LRMDA: variants seen among roughly 807,000 people sequenced by gnomAD.
LRMDA encodes leucine rich melanocyte differentiation associated, also known as leucine-rich melanocyte differentiation-associated protein.
In LRMDA, 18 loss-of-function variants were observed where a neutral mutation model predicts 29.8. The observed-to-expected ratio is 0.60, with a 90% CI of 0.42 to 0.90. The LOEUF (loss-of-function observed/expected upper bound fraction) is 0.90. Among genes scored for constraint, LRMDA ranks in the 40% least tolerant of loss-of-function variants. The probability of loss-of-function intolerance (pLI) is 0.00; values close to 1 mark genes in which losing one functional copy is unlikely to be tolerated. For synonymous variants in LRMDA, 125 were observed against 109.4 expected (o/e 1.14, Z -0.89); for missense variants, 273 against 273.9 (o/e 1.00, Z 0.02).
chr10:76,137,647 A>G (rs188106291), intron 5 of LRMDA, among the ~76,000 whole-genome samples: 88 of 152,214 alleles, frequency 5.8e-4, no homozygotes, highest in African/African-American at 2.0e-3. Context: ...TGTGAAATGG[A>G]GTTTATGCTA....
intron 2 of LRMDA, among the ~76,000 whole-genome samples, chr10:75,440,237 A>C (rs1481420433): frequency 6.8e-6 from 1 of 146,530 alleles, no homozygotes; most frequent in African/African-American, 2.6e-5. Flanking sequence ...TAGATGCAGG[A>C]AAATTTCGTA....
At chr10:75,444,018 C>A (rs1844360880) in intron 2 of LRMDA, among the ~76,000 whole-genome samples, 1 of 152,196 alleles carries the variant, frequency 6.6e-6, no homozygotes, top group Admixed American at 6.5e-5. Flanking sequence ...CATCCACAAT[C>A]ATTGTTAATT....
intron 2 of LRMDA, among the ~76,000 whole-genome samples, chr10:76,022,446 T>C (rs576026031): frequency 6.6e-6 from 1 of 152,336 alleles, no homozygotes; most frequent in South Asian, 2.1e-4. Context: ...TATGATGTTT[T>C]CACAAGCAAC....
At chr10:75,578,034 A>T (rs546053907) in intron 2 of LRMDA, among the ~76,000 whole-genome samples, 1 of 152,106 alleles carries the variant, frequency 6.6e-6, no homozygotes, top group East Asian at 1.9e-4. Context: ...TTTCACACAT[A>T]ACAATATTAA....
intron 6 of LRMDA, chr10:76,403,163 T>G (rs1841867092): frequency 6.6e-6 from 1 of 151,502 alleles, no homozygotes; most frequent in African/African-American, 2.4e-5. Context: ...CTTCTTCCCT[T>G]TATGCCTGAA....
intron 2 of LRMDA, among the ~76,000 whole-genome samples, chr10:75,452,683 G>A (rs1844474972): frequency 6.7e-6 from 1 of 148,396 alleles, no homozygotes; most frequent in South Asian, 2.1e-4. Flanking sequence ...GATTTGTTTA[G>A]CTCTTCTTCC....
intron 6 of LRMDA, among the ~76,000 whole-genome samples, chr10:76,540,392 T>C (rs1843340477): frequency 6.6e-6 from 1 of 152,224 alleles, no homozygotes. Context: ...GAGAATTATT[T>C]GAAAACAAAG....
chr10:75,955,806 A>G (rs1480361646), intron 2 of LRMDA, among the ~76,000 whole-genome samples: 1 of 152,140 alleles, frequency 6.6e-6, no homozygotes, highest in African/African-American at 2.4e-5. Context: ...TGAGTTATGC[A>G]TGGGAGAAAA....
At chr10:75,968,776 G>GT (rs1353666718) in intron 2 of LRMDA, among the ~76,000 whole-genome samples, 2 of 152,176 alleles carry the variant, frequency 1.3e-5, no homozygotes, top group Non-Finnish European at 2.9e-5. Flanking sequence ...CTTTTGGAGG[G>GT]TGAATTAGAG....
chr10:75,696,453 G>C (rs368541766), intron 2 of LRMDA, among the ~76,000 whole-genome samples: 2 of 152,236 alleles, frequency 1.3e-5, no homozygotes, highest in East Asian at 3.8e-4. Context: ...ATTCAAAAAG[G>C]GGAGAACTGG....
At chr10:76,141,948 C>T (rs1294635143) in intron 5 of LRMDA, among the ~76,000 whole-genome samples, 6 of 152,056 alleles carry the variant, frequency 3.9e-5, no homozygotes, top group Admixed American at 1.3e-4. Context: ...CTGTTTGAAT[C>T]GTGGATGCAT....
intron 1 of LRMDA, 110 bp downstream of exon 1, chr10:75,431,864 G>C (rs1844202539): frequency 9.2e-7 from 1 of 1,085,338 alleles, no homozygotes; most frequent in East Asian, 3.3e-5. Context: ...GCCTCAGGGG[G>C]CTGCGTCTGC....
chr10:75,506,607 C>A (rs969716491), intron 2 of LRMDA, among the ~76,000 whole-genome samples: 6 of 152,180 alleles, frequency 3.9e-5, no homozygotes, highest in Non-Finnish European at 7.3e-5. Flanking sequence ...CAATCATGGT[C>A]CCCAATTGGG....
intron 5 of LRMDA, among the ~76,000 whole-genome samples, chr10:76,205,842 G>A (rs1050962672): frequency 3.3e-5 from 5 of 152,056 alleles, no homozygotes; most frequent in Non-Finnish European, 5.9e-5. Context: ...GGTAGGATAT[G>A]CAGATCTTTG....
intron 2 of LRMDA, among the ~76,000 whole-genome samples, chr10:75,601,071 A>G (rs1840879642): frequency 6.6e-6 from 1 of 152,108 alleles, no homozygotes; most frequent in Admixed American, 6.5e-5. Context: ...CATTCATGTG[A>G]TTTGTTATTG....
intron 2 of LRMDA, among the ~76,000 whole-genome samples, chr10:75,795,411 TAAAATA>T (rs954224795): frequency 7.2e-5 from 9 of 124,766 alleles, no homozygotes; most frequent in South Asian, 2.9e-4. Context: ...ATAAATAAAA[TAAAATA>T]AAAGAAGAAA....
chr10:76,064,756 G>T (rs1564643484), intron 5 of LRMDA, among the ~76,000 whole-genome samples: 1 of 152,102 alleles, frequency 6.6e-6, no homozygotes, highest in Non-Finnish European at 1.5e-5. Context: ...ATAAAGCCAG[G>T]ACATGCCTAT....
chr10:76,431,379 C>T (rs1304302334), intron 6 of LRMDA, among the ~76,000 whole-genome samples: 1 of 152,144 alleles, frequency 6.6e-6, no homozygotes, highest in South Asian at 2.1e-4. Context: ...GTTCTCTCCT[C>T]ACATCAGCCT....
chr10:75,958,632 T>G (rs1272235019), intron 2 of LRMDA, among the ~76,000 whole-genome samples: 1 of 152,156 alleles, frequency 6.6e-6, no homozygotes, highest in Non-Finnish European at 1.5e-5. Flanking sequence ...TTTGGATAAT[T>G]GATGTTTTAT....
Sources: allele counts gnomAD v4.1 joint callset (sites outside exome capture counted in the v4.1 genomes callset), GRCh38; gene constraint gnomAD v4.1.1; transcripts MANE v1.5; gene names NCBI Gene and HGNC (gene_info 2026-07-23, HGNC 2026-07-21).